Variants in RUSC2 observed in about 807,000 individuals in gnomAD.
RUSC2 encodes the protein AP-4 complex accessory subunit RUSC2.
Under a neutral mutation model 122.2 loss-of-function variants are expected in RUSC2, and 34 were observed. That is an observed-to-expected ratio of 0.28 (90% CI 0.21 to 0.37). The LOEUF is 0.37. Among genes scored for constraint, RUSC2 ranks in the 10% least tolerant of loss-of-function variants. The pLI, the probability that RUSC2 is intolerant of heterozygous loss-of-function variation, is 1.00. For missense variants in RUSC2, 1,747 were observed against 1,952.4 expected, an observed-to-expected ratio of 0.89 and a Z score of 1.98; for synonymous variants, 784 against 790.0, an observed-to-expected ratio of 0.99 and a Z score of 0.13.
chr9:35,553,040 C>T (rs1821934414), intron 2 of RUSC2, among the ~76,000 whole-genome samples: 1 of 152,146 alleles, frequency 6.6e-6, no homozygotes, highest in Admixed American at 6.5e-5. Flanking sequence ...CCAGAGTCAG[C>T]TCAGCCTTGA....
chr9:35,525,516 T>G lies in RUSC2; in HGVS notation c.-92-20914T>G, dbSNP rs191290534. On this transcript the variant is annotated intron_variant, in intron 1 of 11. Coordinates refer to ENST00000361226, the MANE Select transcript of RUSC2 (RefSeq NM_014806.5). ...TTTTTTTTTCCTTTAAAAAGAATTTTTGGTCGAGCACGGTGGCTCATGCCT... is the reference window on the plus strand; with the variant it reads ...TTTTTTTTTCCTTTAAAAAGAATTTGTGGTCGAGCACGGTGGCTCATGCCT... 4.7e-3 allele frequency among the ~76,000 whole-genome samples: 722 copies of G among 152,234 alleles called. 8 individuals are homozygous for G. Among genetic ancestry groups the G allele is most frequent in the South Asian group, 0.023 (110 of 4,816 alleles).
chr9:35,549,188 T>C (rs2132556425), intron 2 of RUSC2: 1 of 985,352 alleles, frequency 1.0e-6, no homozygotes, highest in Non-Finnish European at 1.2e-6. Flanking sequence ...GGAGATTTCC[T>C]GGAAGAAAAG....
intron 1 of RUSC2, among the ~76,000 whole-genome samples, chr9:35,526,106 G>A (rs929953439): frequency 6.6e-6 from 1 of 152,132 alleles, no homozygotes. Flanking sequence ...CAGATCTATA[G>A]TAGGGGGCAT....
chr9:35,504,020 C>A (rs1379583126), intron 1 of RUSC2, among the ~76,000 whole-genome samples: 1 of 152,140 alleles, frequency 6.6e-6, no homozygotes, highest in East Asian at 1.9e-4. Context: ...AGTGATCTGC[C>A]CGCCTCGGCC....
At chr9:35,517,512 G>T (rs1388996407) in intron 1 of RUSC2, among the ~76,000 whole-genome samples, 2 of 83,650 alleles carry the variant, frequency 2.4e-5, no homozygotes, top group Non-Finnish European at 5.0e-5. Flanking sequence ...CCCACAAACA[G>T]GGGAGAATTA....
At chr9:35,535,308 G>T (rs928332521) in intron 1 of RUSC2, among the ~76,000 whole-genome samples, 7 of 152,064 alleles carry the variant, frequency 4.6e-5, no homozygotes, top group East Asian at 3.9e-4. Flanking sequence ...TAGAGACAAG[G>T]TTTCACCATG....
At chr9:35,529,889 T>G (rs940735784) in intron 1 of RUSC2, among the ~76,000 whole-genome samples, 5 of 152,214 alleles carry the variant, frequency 3.3e-5, no homozygotes, top group Admixed American at 6.5e-5. Context: ...CAGAAGAGAC[T>G]GACCTTCTCA....
chr9:35,550,263 T>A (rs1821861558), intron 2 of RUSC2, among the ~76,000 whole-genome samples: 1 of 151,376 alleles, frequency 6.6e-6, no homozygotes, highest in Non-Finnish European at 1.5e-5. Context: ...GAAGATGGAC[T>A]GGAAGGGGTG....
At chr9:35,496,239 A>G (rs1176218930) in intron 1 of RUSC2, among the ~76,000 whole-genome samples, 1 of 152,166 alleles carries the variant, frequency 6.6e-6, no homozygotes, top group Non-Finnish European at 1.5e-5. Context: ...GTTCTCAGGA[A>G]GCTCTCAGAG....
chr9:35,548,450 G>A lies in RUSC2; in HGVS notation c.1929G>A (p.Leu643=). ...AGLRATGQGP[L]AQLMDPGPAL... The stretch of plus-strand genomic sequence containing the variant: ...TCAGAGCTACTGGGCAAGGCCCCCT[G>A]GCTCAGCTGATGGATCCAGGGCCTG... The change falls in exon 2 of 12, where the codon CTG becomes CTA. Residue 643 remains leucine (L), a synonymous_variant. Transcript: ENST00000361226. This position sits in a 1 kb window ranked among gnomAD's most constrained non-coding sequence, Gnocchi z 4.5. 6.2e-7 allele frequency: 1 copy of A among 1,613,968 alleles called. No individual in the cohort carries two copies. The highest frequency in any genetic ancestry group is 1.3e-5 in the African/African-American group (1 of 75,076).
At chr9:35,528,510 CTT>C (rs912951066) in intron 1 of RUSC2, among the ~76,000 whole-genome samples, 5 of 145,322 alleles carry the variant, frequency 3.4e-5, no homozygotes, top group Admixed American at 1.4e-4. Flanking sequence ...GATTTGATAC[CTT>C]TTTTTTTTTT....
chr9:35,499,595 A>C (rs965705542), intron 1 of RUSC2, among the ~76,000 whole-genome samples: 2 of 152,228 alleles, frequency 1.3e-5, no homozygotes, highest in African/African-American at 2.4e-5. Context: ...TTCTGGCTAA[A>C]GTTTAATTAT....
At position 35,498,809 on chromosome 9, in the gene RUSC2, C is replaced by T. The variant is rs536439881; in HGVS notation, c.-93+8637C>T. ...CCAGGAGGCAGAGGTTGCAGTGAGC[C>T]GAGATCGCCTGGCGACAGAGTGAGA... On this transcript the variant is annotated intron_variant, in intron 1 of 11. Coordinates refer to ENST00000361226, the MANE Select transcript of RUSC2 (RefSeq NM_014806.5). 1.4e-3 allele frequency among the ~76,000 whole-genome samples: 203 copies of T among 143,832 alleles called. 1 individual carries two copies. The highest frequency in any genetic ancestry group is 3.6e-3 in the Admixed American group (51 of 14,258). 94.4% of individuals were successfully genotyped at this position (143,832 alleles called of 152,430 possible).
At chr9:35,559,113 G>A in intron 8 of RUSC2, 113 bp from the exon 9 acceptor site, 4 of 837,860 alleles carry the variant, frequency 4.8e-6, no homozygotes, top group Non-Finnish European at 4.1e-6. Context: ...GAAATGAATC[G>A]TGCCATGGAA....
At chr9:35,552,944 A>C (rs1266175974) in intron 2 of RUSC2, among the ~76,000 whole-genome samples, 1 of 152,178 alleles carries the variant, frequency 6.6e-6, no homozygotes, top group Non-Finnish European at 1.5e-5. Flanking sequence ...AGGAGTTTTA[A>C]AAGGGTAGGA....
At position 35,555,086 on chromosome 9, in the gene RUSC2, C is replaced by T. The variant is rs768062231; in HGVS notation, c.2041C>T (p.Leu681Phe). 79 of 1,613,150 alleles carry T rather than the reference C, an allele frequency of 4.9e-5. No individual in the cohort carries two copies. Among genetic ancestry groups the T allele is most frequent in the Non-Finnish European group, 6.2e-5 (73 of 1,180,032 alleles). The change falls in exon 3 of 12, where the codon CTT becomes TTT. Residue 681 changes from leucine (L) to phenylalanine (F), a missense_variant. Coordinates refer to ENST00000361226, the MANE Select transcript of RUSC2 (RefSeq NM_014806.5). The surrounding 1 kb of genome is among the most constrained non-coding windows in gnomAD (Gnocchi z 4.6). ...GGGTGGCACCGAGAGCCGACCAGTC[C>T]TTCGCTACAGCAAGGAACAGAGGCC... is the stretch of plus-strand genomic sequence containing the variant. ...DGGGTESRPV[L>F]RYSKEQRPTT... is the part of the protein sequence containing the mutation.
chr9:35,503,777 T>A (rs1820862438), intron 1 of RUSC2, among the ~76,000 whole-genome samples: 1 of 137,668 alleles, frequency 7.3e-6, no homozygotes, highest in Non-Finnish European at 1.5e-5. Flanking sequence ...CTATTATTAT[T>A]TTTTTTTTCT....
At chr9:35,514,188 C>A (rs895591886) in intron 1 of RUSC2, among the ~76,000 whole-genome samples, 12 of 151,854 alleles carry the variant, frequency 7.9e-5, no homozygotes, top group African/African-American at 2.4e-4. Flanking sequence ...GCCAAATAAA[C>A]AAGTATAAAA....
intron 1 of RUSC2, among the ~76,000 whole-genome samples, chr9:35,527,793 G>T (rs183035347): frequency 1.3e-5 from 2 of 152,172 alleles, no homozygotes; most frequent in East Asian, 3.8e-4. Context: ...CCCCAGAGAA[G>T]ATTCATATCT....
Sources: gnomAD v4.1 joint callset for allele counts (sites outside exome capture counted in the v4.1 genomes callset) on GRCh38, gnomAD v4.1.1 for gene constraint, Gnocchi (gnomAD v3.1) non-coding constraint, MANE v1.5 for transcripts, NCBI Gene and HGNC (gene_info 2026-07-23, HGNC 2026-07-21) for gene names.